The following HS6ST3 variants were observed in gnomAD, a reference collection of about 807,000 sequenced individuals.
HS6ST3 encodes heparan-sulfate 6-O-sulfotransferase 3.
Under a neutral mutation model 36.7 loss-of-function variants are expected in HS6ST3, and 12 were observed. The ratio of observed to expected loss-of-function variants is 0.33; its 90% confidence interval spans 0.21 to 0.53. The LOEUF (loss-of-function observed/expected upper bound fraction) is 0.53. Ranked by LOEUF, HS6ST3 falls within the 20% of genes least tolerant of loss-of-function variation. HS6ST3 has a pLI of 0.95. For missense variants in HS6ST3, 584 were observed against 640.9 expected, an observed-to-expected ratio of 0.91 and a Z score of 0.96; for synonymous variants, 240 against 257.5, an observed-to-expected ratio of 0.93 and a Z score of 0.65.
chr13:96,517,504 G>A (rs937493683), intron 1 of HS6ST3, among the ~76,000 whole-genome samples: 1 of 152,150 alleles, frequency 6.6e-6, no homozygotes, highest in African/African-American at 2.4e-5. Flanking sequence ...TACCACATTG[G>A]TCTTTTATAT....
chr13:96,251,102 T>G (rs1216199323), intron 1 of HS6ST3, among the ~76,000 whole-genome samples: 7 of 152,226 alleles, frequency 4.6e-5, no homozygotes, highest in African/African-American at 7.2e-5. Context: ...ATGAGTAGAA[T>G]GAGCTTGGAA....
chr13:96,109,679 G>A (rs1037331876), intron 1 of HS6ST3, among the ~76,000 whole-genome samples: 2 of 152,136 alleles, frequency 1.3e-5, no homozygotes, highest in Admixed American at 1.3e-4. Flanking sequence ...AAGTCAAAGG[G>A]GATGAAGGAA....
chr13:96,765,775 AT>A lies in HS6ST3; in HGVS notation c.708-66705del, dbSNP rs879483577. Among the ~76,000 whole-genome samples the A allele has an allele frequency of 4.8e-3, 714 of 149,028 alleles. 4 individuals are homozygous for A. The highest frequency in any genetic ancestry group is 0.016 in the African/African-American group (636 of 40,732). The stretch of plus-strand genomic sequence containing the variant: ...AAATATAGACTGAGTTTTAAAGAGC[AT>A]TTTTTTTTTCTTTTAGGAGTGTTGG... On this transcript the variant is annotated intron_variant, in intron 1 of 1. Transcript: ENST00000376705.
chr13:96,514,698 A>T (rs2389695), intron 1 of HS6ST3, among the ~76,000 whole-genome samples: 123,375 of 152,130 alleles, frequency 0.81, 51,295 homozygotes, highest in Non-Finnish European at 0.9. Context: ...CTGTGAGAAA[A>T]AAATGTCTCT....
At chr13:96,723,039 T>C (rs1875892038) in intron 1 of HS6ST3, among the ~76,000 whole-genome samples, 1 of 150,412 alleles carries the variant, frequency 6.6e-6, no homozygotes, top group Admixed American at 6.6e-5. Flanking sequence ...GATACAACAG[T>C]GCTTAGCCTA....
chr13:96,475,467 A>G (rs1231998284), intron 1 of HS6ST3, among the ~76,000 whole-genome samples: 1 of 152,068 alleles, frequency 6.6e-6, no homozygotes, highest in Non-Finnish European at 1.5e-5. Flanking sequence ...CCTTCAAGCT[A>G]GTTTTCACAA....
At chr13:96,170,532 C>G (rs2054182655) in intron 1 of HS6ST3, among the ~76,000 whole-genome samples, 1 of 152,140 alleles carries the variant, frequency 6.6e-6, no homozygotes, top group African/African-American at 2.4e-5. Flanking sequence ...AAGCAATTTT[C>G]TAAAGTCTGC....
At chr13:96,423,538 C>A (rs749860338) in intron 1 of HS6ST3, among the ~76,000 whole-genome samples, 2 of 151,370 alleles carry the variant, frequency 1.3e-5, no homozygotes, top group Non-Finnish European at 2.9e-5. Flanking sequence ...GAAGAGGTGA[C>A]ATTTGGGTAC....
chr13:96,512,617 T>C (rs1214255480), intron 1 of HS6ST3, among the ~76,000 whole-genome samples: 2 of 152,164 alleles, frequency 1.3e-5, no homozygotes. Context: ...CATGAATTAT[T>C]TTTAACTTGC....
At chr13:96,137,435 C>CA (rs1555387618) in intron 1 of HS6ST3, among the ~76,000 whole-genome samples, 1 of 87,614 alleles carries the variant, frequency 1.1e-5, no homozygotes, top group Non-Finnish European at 2.2e-5. Context: ...CAATCCTGAA[C>CA]ATTTTTTTTT....
intron 1 of HS6ST3, among the ~76,000 whole-genome samples, chr13:96,424,885 G>T (rs539045258): frequency 1.3e-5 from 2 of 152,112 alleles, no homozygotes; most frequent in South Asian, 4.2e-4. Flanking sequence ...TTTCCATTGA[G>T]CAATATTCAA....
At chr13:96,479,597 A>G (rs867642097) in intron 1 of HS6ST3, among the ~76,000 whole-genome samples, 21 of 152,296 alleles carry the variant, frequency 1.4e-4, no homozygotes, top group Middle Eastern at 6.8e-3. Context: ...AGGTAGTGAC[A>G]ATGGTTAGCA....
intron 1 of HS6ST3, among the ~76,000 whole-genome samples, chr13:96,611,100 TTTTTTTATTTTTA>T (rs1341072657): frequency 1.4e-3 from 204 of 150,478 alleles, no homozygotes; most frequent in African/African-American, 4.6e-3. Flanking sequence ...CTTTATTTTC[TTTTTTTATTTTTA>T]TTTTTTATTT....
intron 1 of HS6ST3, among the ~76,000 whole-genome samples, chr13:96,266,243 G>A (rs1174412780): frequency 6.6e-6 from 1 of 152,154 alleles, no homozygotes; most frequent in African/African-American, 2.4e-5. Flanking sequence ...TGTCATTCAT[G>A]TTAACCAGTT....
chr13:96,258,283 C>T (rs772812037), intron 1 of HS6ST3, among the ~76,000 whole-genome samples: 7 of 152,052 alleles, frequency 4.6e-5, no homozygotes, highest in Non-Finnish European at 1.0e-4. Context: ...ATATGATCTC[C>T]GAATCACTTC....
At chr13:96,828,742 A>G (rs1358813827) in intron 1 of HS6ST3, among the ~76,000 whole-genome samples, 2 of 152,246 alleles carry the variant, frequency 1.3e-5, no homozygotes, top group African/African-American at 4.8e-5. Context: ...GGTCTTGGGC[A>G]CCAGACTATA....
chr13:96,766,697 C>T (rs1232531751), intron 1 of HS6ST3, among the ~76,000 whole-genome samples: 3 of 152,090 alleles, frequency 2.0e-5, no homozygotes, highest in Admixed American at 6.6e-5. Flanking sequence ...CACCAGCTTC[C>T]GTCTTTTTAT....
At chr13:96,114,593 A>C (rs1594681095) in intron 1 of HS6ST3, among the ~76,000 whole-genome samples, 1 of 152,190 alleles carries the variant, frequency 6.6e-6, no homozygotes, top group African/African-American at 2.4e-5. Flanking sequence ...CATCTACGAA[A>C]CAGGGATAAT....
chr13:96,096,982 G>A (rs369274566), intron 1 of HS6ST3, among the ~76,000 whole-genome samples: 6 of 152,274 alleles, frequency 3.9e-5, no homozygotes, highest in Admixed American at 2.0e-4. Context: ...AGATTGTTCT[G>A]TCTGTAGGCC....
Sources: gnomAD v4.1 joint callset for allele counts (sites outside exome capture counted in the v4.1 genomes callset) on GRCh38, gnomAD v4.1.1 for gene constraint, MANE v1.5 for transcripts, NCBI Gene and HGNC (gene_info 2026-07-23, HGNC 2026-07-21) for gene names.